SBF2: variants seen among roughly 807,000 people sequenced by gnomAD.
SBF2 encodes SET binding factor 2, also known as myotubularin-related protein 13.
A neutral mutation model predicts 225.2 loss-of-function variants in SBF2; 112 were observed. The observed-to-expected ratio is 0.50, with a 90% confidence interval of 0.43 to 0.58. The LOEUF (loss-of-function observed/expected upper bound fraction) is 0.58. Among genes scored for constraint, SBF2 ranks in the 20% least tolerant of loss-of-function variants. SBF2 has a pLI of 0.00. For missense variants in SBF2, 1,996 were observed against 2,206.2 expected (o/e 0.90, Z 1.91); for synonymous variants, 763 against 773.3 (o/e 0.99, Z 0.22).
At chr11:9,868,337 C>CAAAAAAA (rs35348349) in intron 17 of SBF2, among the ~76,000 whole-genome samples, 59 of 26,388 alleles carry the variant, frequency 2.2e-3, no homozygotes, top group Non-Finnish European at 2.6e-3. Flanking sequence ...TACAAAAATA[C>CAAAAAAA]AAAAAAAAAA....
At chr11:9,858,005 A>G (rs548386570) in intron 18 of SBF2, among the ~76,000 whole-genome samples, 13 of 152,360 alleles carry the variant, frequency 8.5e-5, no homozygotes, top group Admixed American at 8.5e-4. Flanking sequence ...TTATTAAAGT[A>G]TATTAAAACA....
intron 32 of SBF2, among the ~76,000 whole-genome samples, chr11:9,797,600 G>A (rs1011878224): frequency 4.6e-5 from 7 of 152,158 alleles, no homozygotes; most frequent in African/African-American, 1.7e-4. Context: ...TTTGTATTAC[G>A]TAGAGTTTTC....
chr11:10,252,810 G>C (rs1960496369), intron 1 of SBF2, among the ~76,000 whole-genome samples: 1 of 143,928 alleles, frequency 6.9e-6, no homozygotes, highest in Non-Finnish European at 1.5e-5. Context: ...AAAAATGCGA[G>C]ACTCTGTCTC....
At chr11:10,133,451 T>C (rs981305921) in intron 2 of SBF2, among the ~76,000 whole-genome samples, 4 of 146,750 alleles carry the variant, frequency 2.7e-5, no homozygotes, top group East Asian at 2.2e-4. Context: ...CCCTGCCCCG[T>C]GGGAGGGCAG....
intron 13 of SBF2, among the ~76,000 whole-genome samples, chr11:9,972,268 C>T (rs897225683): frequency 1.3e-5 from 2 of 152,116 alleles, no homozygotes; most frequent in Middle Eastern, 3.2e-3. Context: ...CAAACACACA[C>T]ACACACACCA....
intron 16 of SBF2, among the ~76,000 whole-genome samples, chr11:9,946,453 CT>C (rs140447383): frequency 0.2 from 28,366 of 142,380 alleles, 3,321 homozygotes; most frequent in Non-Finnish European, 0.29. Context: ...TTCTTTCTTT[CT>C]TTTTTTTTTT....
chr11:10,093,296 T>C (rs1951859511), intron 2 of SBF2, among the ~76,000 whole-genome samples: 1 of 151,924 alleles, frequency 6.6e-6, no homozygotes, highest in South Asian at 2.1e-4. Context: ...ATTATAGGTT[T>C]GAGCCACTGT....
intron 25 of SBF2, among the ~76,000 whole-genome samples, chr11:9,841,061 G>A (rs1170241852): frequency 6.6e-6 from 1 of 152,012 alleles, no homozygotes; most frequent in Non-Finnish European, 1.5e-5. Flanking sequence ...TTTTGAAAAT[G>A]TACTCAAAGT....
intron 1 of SBF2, among the ~76,000 whole-genome samples, chr11:10,222,514 G>A (rs1368036784): frequency 6.6e-6 from 1 of 152,140 alleles, no homozygotes; most frequent in Non-Finnish European, 1.5e-5. Context: ...TGGCTTAACA[G>A]CAGAATGAAG....
At chr11:9,887,974 T>C (rs1020314895) in intron 17 of SBF2, among the ~76,000 whole-genome samples, 2 of 152,200 alleles carry the variant, frequency 1.3e-5, no homozygotes, top group African/African-American at 4.8e-5. Context: ...AGGAAATATC[T>C]ATTTTTTATA....
intron 17 of SBF2, among the ~76,000 whole-genome samples, chr11:9,883,684 C>T (rs1258181205): frequency 1.3e-5 from 2 of 152,074 alleles, no homozygotes; most frequent in African/African-American, 2.4e-5. Flanking sequence ...GCTAGGTCTT[C>T]GATGTTGAGG....
At chr11:10,293,646 A>T (rs1964313902) in intron 1 of SBF2, among the ~76,000 whole-genome samples, 1 of 152,210 alleles carries the variant, frequency 6.6e-6, no homozygotes, top group African/African-American at 2.4e-5. Flanking sequence ...CGAGGAACTT[A>T]GCACAGTTGG....
intron 1 of SBF2, among the ~76,000 whole-genome samples, chr11:10,273,877 T>C (rs549604700): frequency 6.6e-6 from 1 of 152,134 alleles, no homozygotes. Flanking sequence ...GGGCCTAGAC[T>C]TAAGGAAACA....
At chr11:9,946,453 C>CT (rs140447383) in intron 16 of SBF2, among the ~76,000 whole-genome samples, 83 of 142,646 alleles carry the variant, frequency 5.8e-4, no homozygotes, top group South Asian at 8.9e-4. Flanking sequence ...TTCTTTCTTT[C>CT]TTTTTTTTTT....
At chr11:9,912,668 G>A (rs114751769) in intron 16 of SBF2, among the ~76,000 whole-genome samples, 1 of 152,122 alleles carries the variant, frequency 6.6e-6, no homozygotes, top group African/African-American at 2.4e-5. Context: ...TTCCAATGTG[G>A]CCCAGGGAAG....
Position 9,778,967 on chromosome 11 carries a change from T to C in SBF2, c.*1451A>G, listed in dbSNP as rs887024954. 1.3e-5 allele frequency: 2 copies of C among 152,574 alleles called. No homozygotes were observed. Among genetic ancestry groups the C allele is most frequent in the Non-Finnish European group, 2.9e-5 (2 of 67,992 alleles). The allele number at this position is 152,574 out of a possible 1,614,324, so 9.5% of individuals were successfully genotyped here. On this transcript the variant is annotated 3_prime_UTR_variant, in exon 40 of 40. Coordinates refer to ENST00000256190, the MANE Select transcript of SBF2 (RefSeq NM_030962.4). ...AAATTATTTCATATACAAAGAAAAA[T>C]ACAAATAATGTGCAAAAACCATTTT...
At chr11:10,187,039 G>A (rs568229459) in intron 2 of SBF2, among the ~76,000 whole-genome samples, 1 of 152,158 alleles carries the variant, frequency 6.6e-6, no homozygotes, top group African/African-American at 2.4e-5. Context: ...ACACATCTAG[G>A]GTTTATTTAC....
chr11:9,858,186 C>T (rs761148716), intron 18 of SBF2, 40 bp downstream of exon 18: 1 of 1,610,300 alleles, frequency 6.2e-7, no homozygotes, highest in African/African-American at 1.3e-5. Flanking sequence ...AAGCCAGAAT[C>T]CTAATCCCAC....
Position 9,968,481 on chromosome 11 carries a change from C to T in SBF2, c.1460G>A (p.Arg487Gln), listed in dbSNP as rs538390886. Residue 487 changes from arginine (R) to glutamine (Q), a missense_variant, in exon 14 of 40, where the codon CGA becomes CAA. By Grantham distance (43) the Arg-to-Gln change is conservative. Transcript: ENST00000256190. ...VPRPTEGSHL[R>Q]VHILPFPEIN... ...CTCTGGGAAAGGAAGAATATGAACT[C>T]GCAAATGGGATCCTTCTGTTGGCCG... 1.2e-5 allele frequency: 19 copies of T among 1,614,028 alleles called. No individual in the cohort carries two copies. The highest frequency in any genetic ancestry group is 1.4e-5 in the Non-Finnish European group (17 of 1,179,988).
Sources: allele counts gnomAD v4.1 joint callset (sites outside exome capture counted in the v4.1 genomes callset), GRCh38; gene constraint gnomAD v4.1.1; transcripts MANE v1.5; gene names NCBI Gene and HGNC (gene_info 2026-07-23, HGNC 2026-07-21).